The following SYT5 variants were observed in gnomAD, a reference collection of about 807,000 sequenced individuals.
The protein encoded by SYT5 is synaptotagmin-5.
Under a neutral mutation model 36.0 loss-of-function variants are expected in SYT5, and 29 were observed. That is an observed-to-expected ratio of 0.81 (90% confidence interval 0.60 to 1.10). The LOEUF is 1.10. Among genes scored for constraint, SYT5 ranks in the 50% least tolerant of loss-of-function variants. SYT5 has a pLI of 0.00. For synonymous variants in SYT5, 231 were observed against 227.6 expected (o/e 1.02, Z -0.14); for missense variants, 512 against 516.0 (o/e 0.99, Z 0.08).
chr19:55,178,458 C>T, intron 2 of SYT5, 90 bp from the exon 3 acceptor site: 1 of 1,352,326 alleles, frequency 7.4e-7, no homozygotes, highest in South Asian at 1.5e-5. Context: ...GGAATGCTGG[C>T]CTCCTTTTCC....
Position 55,174,962 on chromosome 19 carries a change from T to C in SYT5, c.746A>G (p.Tyr249Cys), listed in dbSNP as rs746231123. 1.2e-6 allele frequency: 2 copies of C among 1,614,116 alleles called. No individual in the cohort carries two copies. The highest frequency in any genetic ancestry group is 1.7e-6 in the Non-Finnish European group (2 of 1,180,018). ...GGTGAGCTTCCCGGCCGTGGGGACA[T>C]AGCGGAGGGAGAAGCAGATGTCCCC... ...KLGDICFSLR[Y>C]VPTAGKLTVI... The change falls in exon 7 of 9, where the codon TAT becomes TGT. Residue 249 changes from tyrosine to cysteine, a missense_variant. By Grantham distance (194) the Tyr-to-Cys change is radical. Coordinates refer to ENST00000354308, the MANE Select transcript of SYT5 (RefSeq NM_003180.3).
rs1408154922 is a variant in SYT5, at chr19:55,173,501, G to GC, written c.1143dup (p.Leu382AlafsTer21). 2.2e-6 allele frequency: 3 copies of GC among 1,375,272 alleles called. No individual in the cohort carries two copies. The highest frequency in any genetic ancestry group is 2.8e-6 in the Non-Finnish European group (3 of 1,063,718). The allele number at this position is 1,375,272 out of a possible 1,614,324, so 85.2% of individuals were successfully genotyped here. A position where few individuals can be genotyped will look rare whatever the true frequency, so the allele number is the denominator to read the frequency against. On this transcript the variant is annotated frameshift_variant, in exon 9 of 9. Transcript: ENST00000354308. LOFTEE classifies it high-confidence loss of function. This position sits in a 1 kb window ranked among gnomAD's most constrained non-coding sequence, Gnocchi z 5.4. Reference sequence around the variant, plus strand: ...GGTGGGAGTCAGGGCGCAGGCAGCAGCCTCACTCGGTCCGGGGGCCGCAGC... The same window carrying GC: ...GGTGGGAGTCAGGGCGCAGGCAGCAGCCCTCACTCGGTCCGGGGGCCGCAGC...
Position 55,173,826 on chromosome 19 carries a change from G to T in SYT5, c.961-142C>A, listed in dbSNP as rs1029074834. The T allele has an allele frequency of 1.2e-6, 1 of 822,600 alleles. No homozygotes were observed. Among genetic ancestry groups the T allele is most frequent in the Non-Finnish European group, 1.7e-6 (1 of 591,788 alleles). The allele number at this position is 822,600 out of a possible 1,614,324, so 51.0% of individuals were successfully genotyped here. A position where few individuals can be genotyped will look rare whatever the true frequency, so the allele number is the denominator to read the frequency against. The stretch of plus-strand genomic sequence containing the variant: ...CCCCGGAGCTCGGGACGGGGGAGGG[G>T]GTGGGAGACGAGAGGGACGGAGCCT... On this transcript the variant is annotated intron_variant, in intron 8 of 8. Coordinates refer to ENST00000354308, the MANE Select transcript of SYT5 (RefSeq NM_003180.3). This position sits in a 1 kb window ranked among gnomAD's most constrained non-coding sequence, Gnocchi z 5.4.
intron 7 of SYT5, 79 bp downstream of exon 7, chr19:55,174,803 C>G: frequency 6.3e-7 from 1 of 1,576,748 alleles, no homozygotes; most frequent in African/African-American, 1.3e-5. Flanking sequence ...CGAAGAAACC[C>G]TCGAGGCTCA....
intron 8 of SYT5, chr19:55,174,160 G>A (rs1348026277): frequency 9.4e-6 from 2 of 212,440 alleles, no homozygotes; most frequent in Non-Finnish European, 1.8e-5. Flanking sequence ...TTGGGGGCGG[G>A]GCATCCTGGT....
In SYT5 at chr19:55,180,159, C is replaced by G. The variant is rs1021880965; in HGVS notation, c.-88G>C. ...GGGACACTCCCGGGAGACGCCGAGG[C>G]GCCAGCCCCGCCCGGACCCCACCCC... On this transcript the variant is annotated 5_prime_UTR_variant, in exon 1 of 9. Coordinates refer to ENST00000354308, the MANE Select transcript of SYT5 (RefSeq NM_003180.3). The G allele has an allele frequency of 6.6e-6, 1 of 152,304 alleles. No individual in the cohort carries two copies. Among genetic ancestry groups the G allele is most frequent in the Non-Finnish European group, 1.5e-5 (1 of 68,110 alleles). The allele number at this position is 152,304 out of a possible 1,614,324, so 9.4% of individuals were successfully genotyped here. A position where few individuals can be genotyped will look rare whatever the true frequency, so the allele number is the denominator to read the frequency against.
rs1371718449 is a variant in SYT5, at chr19:55,172,308, C to T, written c.*1176G>A. On this transcript the variant is annotated 3_prime_UTR_variant, in exon 9 of 9. Transcript: ENST00000354308. ...TGGTGGCGGGCGCCTGTAGTCCCAGCTGCTCGGGAGGCTGAGGCAGGAGAA... is the reference window on the plus strand; with the variant it reads ...TGGTGGCGGGCGCCTGTAGTCCCAGTTGCTCGGGAGGCTGAGGCAGGAGAA... 6.7e-6 allele frequency: 1 copy of T among 148,338 alleles called. No individual in the cohort carries two copies. Among genetic ancestry groups the T allele is most frequent in the Admixed American group, 6.8e-5 (1 of 14,784 alleles). 9.2% of individuals were successfully genotyped at this position (148,338 alleles called of 1,614,324 possible).
chr19:55,173,425 C>A lies in SYT5; in HGVS notation c.*59G>T. 1 of 1,299,476 alleles carries A rather than the reference C, an allele frequency of 7.7e-7. No homozygotes were observed. Among genetic ancestry groups the A allele is most frequent in the Non-Finnish European group, 9.8e-7 (1 of 1,022,030 alleles). 80.5% of individuals were successfully genotyped at this position (1,299,476 alleles called of 1,614,324 possible). On this transcript the variant is annotated 3_prime_UTR_variant, in exon 9 of 9. Coordinates refer to ENST00000354308, the MANE Select transcript of SYT5 (RefSeq NM_003180.3). This position sits in a 1 kb window ranked among gnomAD's most constrained non-coding sequence, Gnocchi z 5.4. ...TGGGGCTGGCTTGGCTTTGGCCGGT[C>A]TCGGGAGTCTGGGGTCAGGGGCTAG...
Position 55,173,781 on chromosome 19 carries a change from T to G in SYT5, c.961-97A>C. The G allele has an allele frequency of 3.2e-6, 4 of 1,244,020 alleles. No individual in the cohort carries two copies. Among genetic ancestry groups the G allele is most frequent in the Non-Finnish European group, 4.1e-6 (4 of 978,426 alleles). 77.1% of individuals were successfully genotyped at this position (1,244,020 alleles called of 1,614,324 possible). ...TTTCACGGCTGAGGGTACCTCTCGC[T>G]GCCACCCGAGGGCTCGGGGCCCCGG... On this transcript the variant is annotated intron_variant, in intron 8 of 8. Coordinates refer to ENST00000354308, the MANE Select transcript of SYT5 (RefSeq NM_003180.3). The surrounding 1 kb of genome is among the most constrained non-coding windows in gnomAD (Gnocchi z 5.4).
In SYT5 at chr19:55,174,724, A is replaced by G. The variant is rs1416755381; in HGVS notation, c.827-74T>C. 32 of 1,604,432 alleles carry G rather than the reference A, an allele frequency of 2.0e-5. No individual in the cohort carries two copies. The East Asian group carries it at 7.1e-4, about 36-fold the overall frequency. Reference sequence around the variant, plus strand: ...GGACCAACATAGAAACACTGCCTACACCCTTCGGGTCTCCCTAGCTCTATG... The same window carrying G: ...GGACCAACATAGAAACACTGCCTACGCCCTTCGGGTCTCCCTAGCTCTATG... On this transcript the variant is annotated intron_variant, in intron 7 of 8. Transcript: ENST00000354308.
chr19:55,176,466 A>C (rs1038036893), intron 3 of SYT5, among the ~76,000 whole-genome samples: 2 of 152,236 alleles, frequency 1.3e-5, no homozygotes, highest in Non-Finnish European at 2.9e-5. Flanking sequence ...CTGGGGTGCT[A>C]GTCCAAACTG....
At chr19:55,178,903 C>T in intron 2 of SYT5, 60 bp downstream of exon 2, 2 of 1,394,472 alleles carry the variant, frequency 1.4e-6, no homozygotes, top group Non-Finnish European at 1.9e-6. Flanking sequence ...GAATCCCGCC[C>T]CTCGGAATCC....
intron 3 of SYT5, chr19:55,177,187 T>C (rs2086085806): frequency 6.6e-6 from 1 of 152,306 alleles, no homozygotes; most frequent in African/African-American, 2.4e-5. Context: ...GTCCCTCTCA[T>C]GCTCAAAACA....
rs2086017095 is a variant in SYT5 at position 55,172,586 on chromosome 19, C to A, written c.*898G>T. The A allele has an allele frequency of 6.6e-6, 1 of 152,194 alleles. No individual in the cohort carries two copies. The highest frequency in any genetic ancestry group is 1.5e-5 in the Non-Finnish European group (1 of 68,060). The allele number at this position is 152,194 out of a possible 1,614,324, so 9.4% of individuals were successfully genotyped here. The stretch of plus-strand genomic sequence containing the variant: ...CCTTGCTGAACTCCAACCTCTCTCG[C>A]AGGCTCTGGAGATTGTATTCCCTGG... On this transcript the variant is annotated 3_prime_UTR_variant, in exon 9 of 9. Coordinates refer to ENST00000354308, the MANE Select transcript of SYT5 (RefSeq NM_003180.3).
Position 55,179,204 on chromosome 19 carries a change from A to C in SYT5, c.-45-118T>G, listed in dbSNP as rs970386371. 6.5e-7 allele frequency: 1 copy of C among 1,529,324 alleles called. No individual in the cohort carries two copies. Among genetic ancestry groups the C allele is most frequent in the African/African-American group, 1.4e-5 (1 of 72,730 alleles). 94.7% of individuals were successfully genotyped at this position (1,529,324 alleles called of 1,614,324 possible). On this transcript the variant is annotated intron_variant, in intron 1 of 8. Coordinates refer to ENST00000354308, the MANE Select transcript of SYT5 (RefSeq NM_003180.3). This position sits in a 1 kb window ranked among gnomAD's most constrained non-coding sequence, Gnocchi z 4.5. Reference sequence around the variant, plus strand: ...AGAAACCGGACAGCCACCGCGAGTCATGCTGGGAGTTGTAGTATCAGCCTC... The same window carrying C: ...AGAAACCGGACAGCCACCGCGAGTCCTGCTGGGAGTTGTAGTATCAGCCTC...
At position 55,179,767 on chromosome 19, in the gene SYT5, C is replaced by T. The variant is rs1057443767; in HGVS notation, c.-46+350G>A. The T allele has an allele frequency of 6.5e-6, 1 of 153,168 alleles. No individual in the cohort carries two copies. Among genetic ancestry groups the T allele is most frequent in the Non-Finnish European group, 1.5e-5 (1 of 68,664 alleles). 9.5% of individuals were successfully genotyped at this position (153,168 alleles called of 1,614,324 possible). A position where few individuals can be genotyped will look rare whatever the true frequency, so the allele number is the denominator to read the frequency against. On this transcript the variant is annotated intron_variant, in intron 1 of 8. Transcript: ENST00000354308. The surrounding 1 kb of genome is among the most constrained non-coding windows in gnomAD (Gnocchi z 4.5). The stretch of plus-strand genomic sequence containing the variant: ...CATCCTTCTTGGCCTGTTGGTCTCT[C>T]CACGCATCCGTGCTGCTCTCGTGAC...
rs766604380 is a variant in SYT5 at position 55,178,269 on chromosome 19, C to G, written c.179G>C (p.Gly60Ala). The change falls in exon 3 of 9, where the codon GGC (glycine) becomes GCC (alanine). Residue 60 changes from glycine to alanine, a missense_variant. Gly to Ala is a moderately conservative substitution (Grantham distance 60). Transcript: ENST00000354308. ...CTGGGCTTGGGCCTGGCTCTTCTTG[C>G]CTGTCCGCCTCCGACAGCTCTTCCG... ...LYRKSCRRRTGKKSQAQAQVH... is the reference protein window; with the variant it reads ...LYRKSCRRRTAKKSQAQAQVH... The G allele has an allele frequency of 5.0e-6, 8 of 1,610,426 alleles. No homozygotes were observed. Among genetic ancestry groups the G allele is most frequent in the Non-Finnish European group, 5.9e-6 (7 of 1,178,676 alleles).
chr19:55,174,670 G>A lies in SYT5; in HGVS notation c.827-20C>T, dbSNP rs2147327659. The A allele has an allele frequency of 1.9e-6, 3 of 1,613,980 alleles. No homozygotes were observed. Among genetic ancestry groups the A allele is most frequent in the South Asian group, 1.1e-5 (1 of 91,070 alleles). On this transcript the variant is annotated intron_variant, in intron 7 of 8. Transcript: ENST00000354308. ...ATGGATCTGGGGAGAGGAAGGAGGA[G>A]TCTTATAGCTCCCCACTGCTGGGTT... is the stretch of plus-strand genomic sequence containing the variant.
At chr19:55,174,249 A>T (rs77757007) in intron 8 of SYT5, among the ~76,000 whole-genome samples, 12,891 of 148,804 alleles carry the variant, frequency 0.087, 595 homozygotes, top group Middle Eastern at 0.18. Context: ...GGGCATACTG[A>T]TCCTGCTTAG....
Sources: allele counts gnomAD v4.1 joint callset (sites outside exome capture counted in the v4.1 genomes callset), GRCh38; gene constraint gnomAD v4.1.1; non-coding constraint Gnocchi (gnomAD v3.1); transcripts MANE v1.5; gene names NCBI Gene and HGNC (gene_info 2026-07-23, HGNC 2026-07-21).